The following AIG1 variants were observed in gnomAD, a reference collection of about 807,000 sequenced individuals.
The protein encoded by AIG1 is androgen induced 1, also known as androgen-induced gene 1 protein.
AIG1 carries 23 observed loss-of-function variants against 31.4 expected under a neutral mutation model. That is an observed-to-expected ratio of 0.73 (90% confidence interval 0.53 to 1.04). The LOEUF (loss-of-function observed/expected upper bound fraction) is 1.04. AIG1 is among the 50% of genes least tolerant of loss of function. The pLI, the probability that AIG1 is intolerant of heterozygous loss-of-function variation, is 0.00. For synonymous variants in AIG1, 100 were observed against 110.5 expected (o/e 0.90, Z 0.60); for missense variants, 274 against 295.0 (o/e 0.93, Z 0.52).
At chr6:143,217,000 A>G (rs1194377282) in intron 3 of AIG1, among the ~76,000 whole-genome samples, 1 of 152,236 alleles carries the variant, frequency 6.6e-6, no homozygotes, top group Non-Finnish European at 1.5e-5. Flanking sequence ...AGTTAGCAGC[A>G]AAACCACTGT....
intron 3 of AIG1, among the ~76,000 whole-genome samples, chr6:143,196,077 T>C (rs1790197890): frequency 6.6e-6 from 1 of 152,206 alleles, no homozygotes; most frequent in Non-Finnish European, 1.5e-5. Context: ...TGTGGCCTTA[T>C]TTAGCAGGCT....
intron 3 of AIG1, among the ~76,000 whole-genome samples, chr6:143,265,185 T>C (rs921571287): frequency 2.6e-5 from 4 of 152,188 alleles, no homozygotes. Context: ...GGCAGTTTCA[T>C]TGTTGTGGAT....
chr6:143,314,691 T>G (rs1185124795), intron 4 of AIG1, among the ~76,000 whole-genome samples: 1 of 152,136 alleles, frequency 6.6e-6, no homozygotes, highest in South Asian at 2.1e-4. Context: ...TATTCTGTGT[T>G]CATGCATGGC....
In AIG1 at chr6:143,163,713, A is replaced by G. The variant is rs190827847; in HGVS notation, c.298-1369A>G. On this transcript the variant is annotated intron_variant, in intron 2 of 5. Coordinates refer to ENST00000357847, the MANE Select transcript of AIG1 (RefSeq NM_016108.4). ...TCAGCTCTATTTCCAACTGTCAGCAAAAGTGCTTGCATTTCACTTTAAAGG... is the reference window on the plus strand; with the variant it reads ...TCAGCTCTATTTCCAACTGTCAGCAGAAGTGCTTGCATTTCACTTTAAAGG... 1.9e-4 allele frequency among the ~76,000 whole-genome samples: 29 copies of G among 152,328 alleles called. No individual in the cohort carries two copies. In the East Asian group the frequency reaches 2.7e-3, roughly 14 times the overall value.
At chr6:143,156,224 T>G (rs1785734733) in intron 2 of AIG1, among the ~76,000 whole-genome samples, 2 of 152,210 alleles carry the variant, frequency 1.3e-5, no homozygotes, top group Admixed American at 6.5e-5. Flanking sequence ...ACTGTGGCCT[T>G]GTTGGAAATT....
At chr6:143,147,617 GC>G (rs572291387) in intron 2 of AIG1, among the ~76,000 whole-genome samples, 183 of 152,076 alleles carry the variant, frequency 1.2e-3, no homozygotes, top group African/African-American at 4.1e-3. Flanking sequence ...AAGGAAAATG[GC>G]CCCCAGATTC....
At chr6:143,238,598 T>A (rs1204356659) in intron 3 of AIG1, among the ~76,000 whole-genome samples, 1 of 152,076 alleles carries the variant, frequency 6.6e-6, no homozygotes, top group East Asian at 1.9e-4. Context: ...TAAAAAAAAA[T>A]TATGTTTCAT....
chr6:143,254,422 A>T (rs1168502982), intron 3 of AIG1, among the ~76,000 whole-genome samples: 3 of 152,164 alleles, frequency 2.0e-5, no homozygotes, highest in Non-Finnish European at 4.4e-5. Flanking sequence ...TTCCCTGGAC[A>T]CTTGAACAGT....
chr6:143,282,105 T>C (rs545788245), intron 3 of AIG1, among the ~76,000 whole-genome samples: 244 of 152,344 alleles, frequency 1.6e-3, no homozygotes, highest in African/African-American at 5.7e-3. Context: ...TAATGACAAC[T>C]GAATAAGCAT....
At chr6:143,071,701 GTTGTTC>G (rs1397010891) in intron 1 of AIG1, among the ~76,000 whole-genome samples, 3 of 151,074 alleles carry the variant, frequency 2.0e-5, no homozygotes, top group African/African-American at 7.3e-5. Flanking sequence ...TGTTGTTGTT[GTTGTTC>G]TTCTTCTTCC....
At chr6:143,152,924 T>C (rs754419502) in intron 2 of AIG1, among the ~76,000 whole-genome samples, 2 of 152,202 alleles carry the variant, frequency 1.3e-5, no homozygotes, top group Non-Finnish European at 2.9e-5. Flanking sequence ...TTCTCATGTT[T>C]TGGTCAGTGG....
chr6:143,167,499 T>C (rs1280242485), intron 3 of AIG1, among the ~76,000 whole-genome samples: 2 of 152,210 alleles, frequency 1.3e-5, no homozygotes, highest in East Asian at 3.8e-4. Flanking sequence ...CTTTGGCTTA[T>C]TGTTAACAGG....
chr6:143,073,701 C>T (rs757951288), intron 1 of AIG1, among the ~76,000 whole-genome samples: 16 of 152,294 alleles, frequency 1.1e-4, no homozygotes, highest in South Asian at 1.0e-3. Flanking sequence ...ATAACACTAG[C>T]ATCTACTTCT....
At chr6:143,342,754 G>A (rs545648477), downstream of AIG1, 22 of 835,586 alleles carry the variant, frequency 2.6e-5, no homozygotes, top group African/African-American at 2.7e-4. Flanking sequence ...AGCGGACTCA[G>A]GTATCATAGC....
In AIG1 at chr6:143,328,591, G is replaced by A. The variant is rs948098523; in HGVS notation, c.516-4691G>A. On this transcript the variant is annotated intron_variant, in intron 4 of 5. Transcript: ENST00000357847. This position sits in a 1 kb window ranked among gnomAD's most constrained non-coding sequence, Gnocchi z 4.0. ...CTCCATGAGGACAGGAGTTAGCTCTGCCTCATTTACTTTTTTTCATCGATG... is the reference window on the plus strand; with the variant it reads ...CTCCATGAGGACAGGAGTTAGCTCTACCTCATTTACTTTTTTTCATCGATG... 6.6e-6 allele frequency among the ~76,000 whole-genome samples: 1 copy of A among 152,100 alleles called. No individual in the cohort carries two copies. The highest frequency in any genetic ancestry group is 2.4e-5 in the African/African-American group (1 of 41,408).
At chr6:143,174,231 G>A (rs1787917006) in intron 3 of AIG1, among the ~76,000 whole-genome samples, 1 of 152,068 alleles carries the variant, frequency 6.6e-6, no homozygotes, top group South Asian at 2.1e-4. Flanking sequence ...GCTCACGCCT[G>A]TAATCCCAGC....
intron 1 of AIG1, among the ~76,000 whole-genome samples, chr6:143,062,378 A>G (rs1259458195): frequency 6.6e-6 from 1 of 152,138 alleles, no homozygotes; most frequent in Non-Finnish European, 1.5e-5. Context: ...CCCTCTGAAC[A>G]TGCGTGATGC....
At chr6:143,148,337 CAAA>C (rs527337431) in intron 2 of AIG1, among the ~76,000 whole-genome samples, 3 of 46,386 alleles carry the variant, frequency 6.5e-5, no homozygotes, top group East Asian at 1.3e-3. Flanking sequence ...CCCATCTCTA[CAAA>C]AAAAAAAAAA....
intron 1 of AIG1, among the ~76,000 whole-genome samples, chr6:143,117,363 G>A (rs973398898): frequency 5.9e-5 from 9 of 152,192 alleles, no homozygotes; most frequent in Admixed American, 1.3e-4. Context: ...ACAACCCAGG[G>A]AGATGTGGAC....
Sources: allele counts gnomAD v4.1 joint callset (sites outside exome capture counted in the v4.1 genomes callset), GRCh38; gene constraint gnomAD v4.1.1; non-coding constraint Gnocchi (gnomAD v3.1); transcripts MANE v1.5; gene names NCBI Gene and HGNC (gene_info 2026-07-23, HGNC 2026-07-21).